The following QRFPR variants were observed in gnomAD, a reference collection of about 807,000 sequenced individuals.
QRFPR encodes pyroglutamylated RF-amide peptide receptor.
A neutral mutation model predicts 31.3 loss-of-function variants in QRFPR; 37 were observed. That is an observed-to-expected ratio of 1.18 (90% confidence interval 0.91 to 1.56). QRFPR has a LOEUF of 1.56. Ranked by LOEUF, QRFPR falls within the 40% of genes most tolerant of loss-of-function variation. QRFPR has a pLI of 0.00. For missense variants in QRFPR, 542 were observed against 532.5 expected, an observed-to-expected ratio of 1.02 and a Z score of -0.18; for synonymous variants, 197 against 192.0, an observed-to-expected ratio of 1.03 and a Z score of -0.22.
Position 121,352,278 on chromosome 4 carries a change from T to C in QRFPR, c.341-11668A>G, listed in dbSNP as rs549252576. 2.0e-5 allele frequency among the ~76,000 whole-genome samples: 3 copies of C among 152,250 alleles called. No homozygotes were observed. The South Asian group carries it at 6.2e-4, about 32-fold the overall frequency. On this transcript the variant is annotated intron_variant, in intron 1 of 5. Transcript: ENST00000394427. Reference sequence around the variant, plus strand: ...CAGAGTCATAAATGCCACAGCTGAATGACTTCACTACAGTTCTGAGTTCTT... The same window carrying C: ...CAGAGTCATAAATGCCACAGCTGAACGACTTCACTACAGTTCTGAGTTCTT...
chr4:121,371,981 A>G (rs1416471575), intron 1 of QRFPR, among the ~76,000 whole-genome samples: 2 of 152,244 alleles, frequency 1.3e-5, no homozygotes, highest in African/African-American at 2.4e-5. Context: ...GATGACTGAC[A>G]GTATGGGCAA....
intron 1 of QRFPR, among the ~76,000 whole-genome samples, chr4:121,346,818 A>T (rs1725659475): frequency 2.0e-5 from 3 of 152,250 alleles, no homozygotes; most frequent in South Asian, 2.1e-4. Context: ...CTTGATGGAT[A>T]TGGTAGATTA....
chr4:121,354,527 A>G (rs1233188411), intron 1 of QRFPR, among the ~76,000 whole-genome samples: 8 of 152,012 alleles, frequency 5.3e-5, no homozygotes, highest in South Asian at 4.2e-4. Context: ...TTCCTTTTCA[A>G]TTTGGATGTC....
chr4:121,360,936 C>T (rs942743569), intron 1 of QRFPR, among the ~76,000 whole-genome samples: 3 of 152,172 alleles, frequency 2.0e-5, no homozygotes, highest in Admixed American at 6.5e-5. Flanking sequence ...GTGTGCTGTT[C>T]GCCCTTGCAT....
rs547292962 is a variant in QRFPR, at chr4:121,366,847, T to G, written c.340+13461A>C. 5.6e-4 allele frequency among the ~76,000 whole-genome samples: 84 copies of G among 150,316 alleles called. 9 individuals are homozygous for G. The highest frequency in any genetic ancestry group is 2.0e-3 in the African/African-American group (82 of 40,722). On this transcript the variant is annotated intron_variant, in intron 1 of 5. Transcript: ENST00000394427. ...ATTTGGCACATAGTAAGCTCTATGT[T>G]AAGACTTTGGTATCCATTTTCATAT...
chr4:121,366,530 C>A lies in QRFPR; in HGVS notation c.340+13778G>T, dbSNP rs1041679434. Reference sequence around the variant, plus strand: ...CACACAAAGAATTCTGGGTATCCAACCGAAAGAGGAAACCATGTGGGACAG... The same window carrying A: ...CACACAAAGAATTCTGGGTATCCAAACGAAAGAGGAAACCATGTGGGACAG... On this transcript the variant is annotated intron_variant, in intron 1 of 5. Transcript: ENST00000394427. Among the ~76,000 whole-genome samples the A allele has an allele frequency of 7.5e-5, 10 of 133,598 alleles. 1 individual carries two copies. The highest frequency in any genetic ancestry group is 1.5e-4 in the Non-Finnish European group (9 of 62,060). 87.6% of individuals were successfully genotyped at this position (133,598 alleles called of 152,430 possible). A position where few individuals can be genotyped will look rare whatever the true frequency, so the allele number is the denominator to read the frequency against.
At chr4:121,373,986 C>T (rs1033860920) in intron 1 of QRFPR, among the ~76,000 whole-genome samples, 1 of 152,168 alleles carries the variant, frequency 6.6e-6, no homozygotes, top group Non-Finnish European at 1.5e-5. Context: ...CGCCTACTAC[C>T]ATTCTGTTAC....
chr4:121,345,780 C>G (rs965803190), intron 1 of QRFPR, among the ~76,000 whole-genome samples: 1 of 152,208 alleles, frequency 6.6e-6, no homozygotes, highest in African/African-American at 2.4e-5. Flanking sequence ...AGTGTTCACT[C>G]TCCTATCCAC....
intron 2 of QRFPR, among the ~76,000 whole-genome samples, chr4:121,337,197 G>C (rs536813107): frequency 5.3e-5 from 8 of 151,970 alleles, no homozygotes; most frequent in African/African-American, 1.7e-4. Context: ...TCTTCACACC[G>C]CAGTCCTCTA....
chr4:121,367,558 C>G (rs1048861054), intron 1 of QRFPR, among the ~76,000 whole-genome samples: 1 of 150,184 alleles, frequency 6.7e-6, no homozygotes, highest in East Asian at 2.0e-4. Flanking sequence ...AAGTACACAC[C>G]AAATATATTT....
intron 1 of QRFPR, among the ~76,000 whole-genome samples, chr4:121,341,344 C>T (rs979841641): frequency 2.0e-5 from 3 of 152,158 alleles, no homozygotes; most frequent in Non-Finnish European, 4.4e-5. Context: ...ATTCATCATT[C>T]CCAGCTACAA....
At chr4:121,373,961 T>A (rs1726301392) in intron 1 of QRFPR, among the ~76,000 whole-genome samples, 1 of 152,242 alleles carries the variant, frequency 6.6e-6, no homozygotes, top group Admixed American at 6.5e-5. Context: ...GCTGTTATAA[T>A]GAAGCTTGGA....
intron 1 of QRFPR, among the ~76,000 whole-genome samples, chr4:121,344,322 T>C (rs1725604012): frequency 6.6e-6 from 1 of 152,218 alleles, no homozygotes; most frequent in African/African-American, 2.4e-5. Flanking sequence ...GTGCCCATGC[T>C]ATGTGGCAGT....
rs1221140400 is a variant in QRFPR at position 121,380,443 on chromosome 4, C to G, written c.205G>C (p.Val69Leu). ...CGCATGGCCTTGCTGCGGGTCACCA[C>G]GTAGAACACCAGAGCATTGCCAAAG... ...ALFGNALVFY[V>L]VTRSKAMRTV... The change falls in exon 1 of 6, where the codon GTG (valine) becomes CTG (leucine). Residue 69 changes from valine (V) to leucine (L), a missense_variant. Transcript: ENST00000394427. The G allele has an allele frequency of 6.2e-7, 1 of 1,614,136 alleles. No individual in the cohort carries two copies. The highest frequency in any genetic ancestry group is 8.5e-7 in the Non-Finnish European group (1 of 1,179,962).
intron 1 of QRFPR, among the ~76,000 whole-genome samples, chr4:121,367,188 CAG>C (rs1726147053): frequency 6.7e-6 from 1 of 149,866 alleles, no homozygotes; most frequent in African/African-American, 2.5e-5. Context: ...AATTACGAGA[CAG>C]AGGCAGGGGA....
At chr4:121,370,161 T>A (rs1329682209) in intron 1 of QRFPR, 38 of 768,064 alleles carry the variant, frequency 4.9e-5, no homozygotes, top group Non-Finnish European at 1.9e-5. Context: ...CTGATACTTG[T>A]GCTCTGAAAT....
intron 1 of QRFPR, among the ~76,000 whole-genome samples, chr4:121,364,906 C>T (rs879674186): frequency 1.3e-5 from 2 of 149,426 alleles, no homozygotes; most frequent in Non-Finnish European, 3.0e-5. Context: ...ATAAGCAGGT[C>T]TTTGTTTACT....
chr4:121,330,500 A>G lies in QRFPR; in HGVS notation c.821T>C (p.Met274Thr), dbSNP rs1483553746. The change falls in exon 5 of 6, where the codon ATG (methionine) becomes ACG (threonine). Residue 274 changes from methionine to threonine, a missense_variant. Met to Thr is a moderately conservative substitution (Grantham distance 81). Transcript: ENST00000394427. ...AAAGAGAGCCACCACTGTCACCATC[A>G]TAATGACAGCTCGTTTCTTCTTCCT... Reference protein sequence around the residue: ...IARKKKRAVIMMVTVVALFAV... With the variant: ...IARKKKRAVITMVTVVALFAV... 4 of 1,613,872 alleles carry G rather than the reference A, an allele frequency of 2.5e-6. No homozygotes were observed. Among genetic ancestry groups the G allele is most frequent in the African/African-American group, 1.3e-5 (1 of 74,938 alleles).
chr4:121,361,476 G>A (rs1391121615), intron 1 of QRFPR, among the ~76,000 whole-genome samples: 1 of 149,828 alleles, frequency 6.7e-6, no homozygotes, highest in Non-Finnish European at 1.5e-5. Flanking sequence ...TACCACTACT[G>A]GCCAAAATAA....
Sources: gnomAD v4.1 joint callset for allele counts (sites outside exome capture counted in the v4.1 genomes callset) on GRCh38, gnomAD v4.1.1 for gene constraint, MANE v1.5 for transcripts, NCBI Gene and HGNC (gene_info 2026-07-23, HGNC 2026-07-21) for gene names.